Variants in TET1 observed in about 807,000 individuals in gnomAD.
The protein encoded by TET1 is methylcytosine dioxygenase TET1.
A neutral mutation model predicts 148.7 loss-of-function variants in TET1; 13 were observed. That is an observed-to-expected ratio of 0.09 (90% CI 0.06 to 0.14). The LOEUF is 0.14. Among genes scored for constraint, TET1 ranks in the 10% least tolerant of loss-of-function variants. The pLI, the probability that TET1 is intolerant of heterozygous loss-of-function variation, is 1.00. For synonymous variants in TET1, 907 were observed against 937.2 expected, an observed-to-expected ratio of 0.97 and a Z score of 0.59; for missense variants, 2,182 against 2,553.8, an observed-to-expected ratio of 0.85 and a Z score of 3.14.
In TET1 at chr10:68,641,584, C is replaced by T. The variant is rs151302576; in HGVS notation, c.1969-3114C>T. ...CACGATCTCGGCTCACTGCAGTCTC[C>T]GCCTCCCGGGTTCAAGCGATTCCCC... On this transcript the variant is annotated intron_variant, in intron 3 of 11. Coordinates refer to ENST00000373644, the MANE Select transcript of TET1 (RefSeq NM_030625.3). 7.1e-4 allele frequency among the ~76,000 whole-genome samples: 108 copies of T among 151,846 alleles called. 3 individuals carry two copies. The East Asian group carries it at 0.02, about 28-fold the overall frequency.
In TET1 at chr10:68,632,336, G is replaced by A. The variant is rs190611672; in HGVS notation, c.1969-12362G>A. The A allele has an allele frequency of 8.1e-3, 12,373 of 1,534,980 alleles. 70 individuals carry two copies. Among genetic ancestry groups the A allele is most frequent in the Non-Finnish European group, 8.6e-3 (9,636 of 1,124,138 alleles). On this transcript the variant is annotated intron_variant, in intron 3 of 11. Transcript: ENST00000373644. ...GATTCCCTTTCAAAAAAAAAAGAAAGGGTGCAGGGCGGGTGGAGTCGCGGA... is the reference window on the plus strand; with the variant it reads ...GATTCCCTTTCAAAAAAAAAAGAAAAGGTGCAGGGCGGGTGGAGTCGCGGA...
intron 3 of TET1, among the ~76,000 whole-genome samples, chr10:68,615,828 G>A (rs565847374): frequency 6.6e-6 from 1 of 151,986 alleles, no homozygotes; most frequent in East Asian, 1.9e-4. Context: ...TGTATTTTTA[G>A]TAGAGATGGG....
intron 2 of TET1, among the ~76,000 whole-genome samples, chr10:68,595,609 C>CTTTTT (rs1564958558): frequency 4.5e-5 from 4 of 89,374 alleles, no homozygotes; most frequent in Admixed American, 1.2e-4. Context: ...ACACACACAG[C>CTTTTT]TTCTTTTTTT....
At chr10:68,630,308 G>A (rs1247233082) in intron 3 of TET1, among the ~76,000 whole-genome samples, 1 of 152,168 alleles carries the variant, frequency 6.6e-6, no homozygotes, top group Non-Finnish European at 1.5e-5. Context: ...ACATGGTTGA[G>A]TTTTGTTGTT....
intron 2 of TET1, among the ~76,000 whole-genome samples, chr10:68,575,386 A>AAAATAAATAAATAAAT (rs72033179): frequency 0.07 from 10,482 of 148,690 alleles, 530 homozygotes; most frequent in African/African-American, 0.13. Flanking sequence ...CTCTGTCTCA[A>AAAATAAATAAATAAAT]AAATAAATAA....
intron 4 of TET1, among the ~76,000 whole-genome samples, chr10:68,647,696 A>G (rs943175286): frequency 1.3e-5 from 2 of 152,182 alleles, no homozygotes; most frequent in Non-Finnish European, 2.9e-5. Context: ...CAAGCCTTTC[A>G]TTATATTTTT....
intron 2 of TET1, among the ~76,000 whole-genome samples, chr10:68,581,912 A>G (rs1590167568): frequency 6.6e-6 from 1 of 152,082 alleles, no homozygotes; most frequent in Non-Finnish European, 1.5e-5. Context: ...ATCTCTAGCC[A>G]GGTGATTTTG....
intron 1 of TET1, among the ~76,000 whole-genome samples, chr10:68,568,157 C>T (rs141948768): frequency 0.011 from 1,607 of 150,974 alleles, 36 homozygotes; most frequent in African/African-American, 0.037. Flanking sequence ...GGATTACAGG[C>T]GTGAGCCACT....
At chr10:68,565,157 T>C (rs2053592455) in intron 1 of TET1, among the ~76,000 whole-genome samples, 1 of 151,920 alleles carries the variant, frequency 6.6e-6, no homozygotes, top group Non-Finnish European at 1.5e-5. Context: ...TTCATCTGAG[T>C]GGTAGGATCT....
At chr10:68,602,966 T>C (rs2054077774) in intron 3 of TET1, among the ~76,000 whole-genome samples, 1 of 152,184 alleles carries the variant, frequency 6.6e-6, no homozygotes, top group African/African-American at 2.4e-5. Context: ...GTGTATAAAA[T>C]TCATAGAGCA....
In TET1 at chr10:68,567,384, G is replaced by A. The variant is rs541220404; in HGVS notation, c.-122-4833G>A. ...AGTAATTTTTAAACAGATTGAACCC[G>A]GGAGGGTTCAAGTGATTCTCCTGCC... On this transcript the variant is annotated intron_variant, in intron 1 of 11. Transcript: ENST00000373644. 3.3e-4 allele frequency among the ~76,000 whole-genome samples: 50 copies of A among 152,084 alleles called. No homozygotes were observed. In the South Asian group the frequency reaches 8.1e-3, roughly 25 times the overall value.
intron 1 of TET1, among the ~76,000 whole-genome samples, chr10:68,569,166 C>CTTTTTTTTTTT (rs34385747): frequency 2.9e-5 from 2 of 69,778 alleles, no homozygotes; most frequent in Non-Finnish European, 2.6e-5. Context: ...AGGAGAGTTT[C>CTTTTTTTTTTT]TTTTTTTTTT....
Position 68,568,405 on chromosome 10 carries a change from TAG to T in TET1, c.-122-3808_-122-3807del, listed in dbSNP as rs1170662404. On this transcript the variant is annotated intron_variant, in intron 1 of 11. Transcript: ENST00000373644. The stretch of plus-strand genomic sequence containing the variant: ...GCCCAGCTACTTTTTGTATTTTTAG[TAG>T]AGACAGGGTTTCACCATGTTGGCCA... Among the ~76,000 whole-genome samples, 8 of 151,986 alleles carry T rather than the reference TAG, an allele frequency of 5.3e-5. No homozygotes were observed. The East Asian group carries it at 1.6e-3, about 29-fold the overall frequency.
intron 2 of TET1, among the ~76,000 whole-genome samples, chr10:68,579,995 C>A (rs1053331203): frequency 1.8e-4 from 28 of 151,428 alleles, no homozygotes; most frequent in Non-Finnish European, 2.7e-4. Flanking sequence ...GTGGTGCAAT[C>A]TCAGCTCACT....
chr10:68,657,053 G>A (rs2055033300), intron 6 of TET1, among the ~76,000 whole-genome samples: 2 of 149,908 alleles, frequency 1.3e-5, no homozygotes, highest in Admixed American at 6.6e-5. Flanking sequence ...TTCCCATTTG[G>A]GTGCGGTGGC....
chr10:68,595,764 A>G (rs1232801934), intron 2 of TET1, among the ~76,000 whole-genome samples: 3 of 146,634 alleles, frequency 2.0e-5, no homozygotes, highest in South Asian at 4.3e-4. Context: ...ATTACAGGCA[A>G]GCGCCACCAG....
At chr10:68,577,200 G>A (rs912960090) in intron 2 of TET1, among the ~76,000 whole-genome samples, 13 of 152,046 alleles carry the variant, frequency 8.6e-5, no homozygotes, top group African/African-American at 2.9e-4. Context: ...GTGAGCCACC[G>A]TGCCCAGCCT....
At chr10:68,586,492 T>TTTTTTG (rs1554931442) in intron 2 of TET1, among the ~76,000 whole-genome samples, 5,979 of 150,244 alleles carry the variant, frequency 0.04, 407 homozygotes, top group African/African-American at 0.14. Flanking sequence ...AACGTTTTTT[T>TTTTTTG]TTTTTTTTTA....
At chr10:68,579,826 A>G (rs2053771424) in intron 2 of TET1, among the ~76,000 whole-genome samples, 1 of 152,022 alleles carries the variant, frequency 6.6e-6, no homozygotes, top group Admixed American at 6.6e-5. Flanking sequence ...ACGACTGCAT[A>G]CATTTCCCCA....
Sources: allele counts gnomAD v4.1 joint callset (sites outside exome capture counted in the v4.1 genomes callset), GRCh38; gene constraint gnomAD v4.1.1; transcripts MANE v1.5; gene names NCBI Gene and HGNC (gene_info 2026-07-23, HGNC 2026-07-21).